The following FBXL2 variants were observed in gnomAD, a reference collection of about 807,000 sequenced individuals.
FBXL2 encodes the protein F-box/LRR-repeat protein 2.
Under a neutral mutation model 69.2 loss-of-function variants are expected in FBXL2, and 38 were observed. That is an observed-to-expected ratio of 0.55 (90% CI 0.42 to 0.72). FBXL2 has a LOEUF of 0.72. Ranked by LOEUF, FBXL2 falls within the 30% of genes least tolerant of loss-of-function variation. FBXL2 has a pLI of 0.00. For missense variants in FBXL2, 354 were observed against 520.3 expected, an observed-to-expected ratio of 0.68 and a Z score of 3.11; for synonymous variants, 192 against 201.3, an observed-to-expected ratio of 0.95 and a Z score of 0.39.
In FBXL2 at chr3:33,333,468, A is replaced by G. The variant is rs373458188; in HGVS notation, c.66-25499A>G. On this transcript the variant is annotated intron_variant, in intron 2 of 14. Transcript: ENST00000484457. ...CATTATTACAAAGACTTCTGCTTCTACTTCAGAAGAACATGAAAGACTTTT... is the reference window on the plus strand; with the variant it reads ...CATTATTACAAAGACTTCTGCTTCTGCTTCAGAAGAACATGAAAGACTTTT... Among the ~76,000 whole-genome samples, 31 of 152,322 alleles carry G rather than the reference A, an allele frequency of 2.0e-4. 2 individuals are homozygous for G. The South Asian group carries it at 4.1e-3, about 20-fold the overall frequency.
intron 1 of FBXL2, among the ~76,000 whole-genome samples, chr3:33,288,987 G>A (rs1359016829): frequency 6.6e-6 from 1 of 152,192 alleles, no homozygotes; most frequent in Non-Finnish European, 1.5e-5. Context: ...ATTTGAGCCT[G>A]AGCAAGAGGA....
intron 2 of FBXL2, among the ~76,000 whole-genome samples, chr3:33,346,660 C>T (rs1407959061): frequency 6.6e-6 from 1 of 151,786 alleles, no homozygotes; most frequent in Non-Finnish European, 1.5e-5. Context: ...AACCAAAAGC[C>T]AGTTCTTTGA....
At position 33,385,558 on chromosome 3, in the gene FBXL2, G is replaced by A; in HGVS notation, c.1222G>A (p.Ala408Thr). The A allele has an allele frequency of 6.2e-7, 1 of 1,614,092 alleles. No homozygotes were observed. The highest frequency in any genetic ancestry group is 8.5e-7 in the Non-Finnish European group (1 of 1,179,992). Reference sequence around the variant, plus strand: ...CTTTGCTCCCGTCACCCCACCGACAGCAGTGGCAGGAAGTGGACAGCGACT... The same window carrying A: ...CTTTGCTCCCGTCACCCCACCGACAACAGTGGCAGGAAGTGGACAGCGACT... ...AYFAPVTPPT[A>T]VAGSGQRLCR... Residue 408 changes from alanine (A) to threonine (T), a missense_variant, in exon 15 of 15, where the codon GCA becomes ACA. Coordinates refer to ENST00000484457, the MANE Select transcript of FBXL2 (RefSeq NM_012157.5).
At chr3:33,290,010 TCTC>T (rs1449393109) in intron 1 of FBXL2, among the ~76,000 whole-genome samples, 4 of 151,894 alleles carry the variant, frequency 2.6e-5, no homozygotes, top group Non-Finnish European at 4.4e-5. Flanking sequence ...CAAAGAGAGA[TCTC>T]CTCAAGGCAC....
chr3:33,278,829 ATAAG>A (rs2033635079), intron 1 of FBXL2, among the ~76,000 whole-genome samples: 1 of 152,218 alleles, frequency 6.6e-6, no homozygotes, highest in Non-Finnish European at 1.5e-5. Context: ...TTATGAAGAT[ATAAG>A]TGTTTCAAAT....
downstream of FBXL2, among the ~76,000 whole-genome samples, chr3:33,406,334 C>A (rs1355887272): frequency 1.3e-5 from 2 of 152,224 alleles, no homozygotes; most frequent in Non-Finnish European, 1.5e-5. Flanking sequence ...GTTTGATGAA[C>A]CCAAGACCCT....
Position 33,277,493 on chromosome 3 carries a change from T to G in FBXL2, c.-20T>G. ...CGCCGTGTGACTTCGGGCTGTGGGC[T>G]CGCTCGCGGCTCTTCGGCCATGGTG... On this transcript the variant is annotated 5_prime_UTR_variant, in exon 1 of 15. Coordinates refer to ENST00000484457, the MANE Select transcript of FBXL2 (RefSeq NM_012157.5). The G allele has an allele frequency of 7.7e-7, 1 of 1,296,034 alleles. No individual in the cohort carries two copies. The highest frequency in any genetic ancestry group is 9.9e-7 in the Non-Finnish European group (1 of 1,013,562). The allele number at this position is 1,296,034 out of a possible 1,614,324, so 80.3% of individuals were successfully genotyped here. A position where few individuals can be genotyped will look rare whatever the true frequency, so the allele number is the denominator to read the frequency against.
chr3:33,400,137 GAAAC>G, intron 12 of FBXL2: 1 of 1,229,324 alleles, frequency 8.1e-7, no homozygotes, highest in Non-Finnish European at 1.1e-6. Context: ...TAAAAGCACA[GAAAC>G]AAAAACAAAA....
intron 12 of FBXL2, among the ~76,000 whole-genome samples, chr3:33,402,011 G>A (rs536229920): frequency 3.3e-5 from 5 of 152,222 alleles, no homozygotes; most frequent in African/African-American, 1.2e-4. Flanking sequence ...CTCCTCAGGG[G>A]GAGAGCACAT....
intron 2 of FBXL2, among the ~76,000 whole-genome samples, chr3:33,306,377 C>T (rs910718361): frequency 6.6e-6 from 1 of 152,126 alleles, no homozygotes; most frequent in African/African-American, 2.4e-5. Context: ...CAAAGAAGCA[C>T]CTCTGTGCCC....
chr3:33,323,955 C>T (rs1424361012), intron 2 of FBXL2, among the ~76,000 whole-genome samples: 4 of 152,192 alleles, frequency 2.6e-5, no homozygotes, highest in Non-Finnish European at 5.9e-5. Context: ...TCTCCACATC[C>T]TCTCCAGCAT....
intron 5 of FBXL2, among the ~76,000 whole-genome samples, chr3:33,371,732 T>C (rs1018518562): frequency 6.6e-6 from 1 of 152,194 alleles, no homozygotes; most frequent in African/African-American, 2.4e-5. Context: ...TTTACTTTGT[T>C]GGGTGCAGAT....
chr3:33,383,538 A>G (rs6783644), intron 13 of FBXL2: 48,127 of 193,900 alleles, frequency 0.25, 7,311 homozygotes, highest in East Asian at 0.49. Flanking sequence ...TATTTGTGCA[A>G]TTTTCTAAAT....
At chr3:33,301,178 C>G (rs891478960) in intron 2 of FBXL2, among the ~76,000 whole-genome samples, 8 of 151,980 alleles carry the variant, frequency 5.3e-5, no homozygotes, top group Non-Finnish European at 1.2e-4. Context: ...CATTGTCTAC[C>G]CTTGGCTTAT....
intron 10 of FBXL2, among the ~76,000 whole-genome samples, chr3:33,376,665 C>G (rs114185340): frequency 0.013 from 1,973 of 152,200 alleles, 42 homozygotes; most frequent in African/African-American, 0.045. Context: ...GAGTAAATCT[C>G]AAGATGATTT....
intron 2 of FBXL2, among the ~76,000 whole-genome samples, chr3:33,302,289 A>T (rs978823816): frequency 1.3e-5 from 2 of 152,184 alleles, no homozygotes; most frequent in African/African-American, 4.8e-5. Context: ...ACTATCTTAT[A>T]TTAAACTGAC....
intron 4 of FBXL2, among the ~76,000 whole-genome samples, chr3:33,362,640 T>C (rs929976694): frequency 6.6e-6 from 1 of 152,230 alleles, no homozygotes; most frequent in East Asian, 1.9e-4. Flanking sequence ...GTTCTCATTG[T>C]TCAATTCCCT....
intron 13 of FBXL2, chr3:33,383,563 G>T: frequency 4.5e-6 from 1 of 221,220 alleles, no homozygotes; most frequent in African/African-American, 2.3e-5. Context: ...AAGGACATTA[G>T]ATGCATTGAT....
At chr3:33,422,524 G>A in the FBXL2 span, among the ~76,000 whole-genome samples, 6 of 152,178 alleles carry the variant, frequency 3.9e-5, no homozygotes, top group Admixed American at 6.6e-5. Context: ...GGAGATTAGC[G>A]TGGGCAATGA....
Sources: allele counts gnomAD v4.1 joint callset (sites outside exome capture counted in the v4.1 genomes callset), GRCh38; gene constraint gnomAD v4.1.1; transcripts MANE v1.5; gene names NCBI Gene and HGNC (gene_info 2026-07-23, HGNC 2026-07-21).